Variants in GLCCI1 observed in about 807,000 individuals in gnomAD.
The protein encoded by GLCCI1 is glucocorticoid induced 1.
GLCCI1 carries 24 observed loss-of-function variants against 52.2 expected under a neutral mutation model. The observed-to-expected ratio is 0.46, with a 90% CI of 0.33 to 0.65. The LOEUF (loss-of-function observed/expected upper bound fraction) is 0.65, where lower values mean the gene tolerates loss of function less well. Among genes scored for constraint, GLCCI1 ranks in the 30% least tolerant of loss-of-function variants. The pLI is 0.02. For missense variants in GLCCI1, 704 were observed against 701.5 expected (o/e 1.00, Z -0.04); for synonymous variants, 310 against 276.5 (o/e 1.12, Z -1.20).
At chr7:8,066,183 C>T (rs1441865669) in intron 5 of GLCCI1, among the ~76,000 whole-genome samples, 3 of 152,114 alleles carry the variant, frequency 2.0e-5, no homozygotes, top group Admixed American at 2.0e-4. Flanking sequence ...AGCTTGTATG[C>T]ACAGAGGTGT....
At chr7:8,043,834 G>T (rs922239864) in intron 3 of GLCCI1, among the ~76,000 whole-genome samples, 1 of 152,100 alleles carries the variant, frequency 6.6e-6, no homozygotes, top group Non-Finnish European at 1.5e-5. Flanking sequence ...ATAAAAATGA[G>T]AGTACATGGG....
chr7:8,004,718 G>C (rs1238246368), intron 2 of GLCCI1, among the ~76,000 whole-genome samples: 2 of 152,200 alleles, frequency 1.3e-5, no homozygotes, highest in Non-Finnish European at 2.9e-5. Context: ...TAAAAAACCT[G>C]CAGCACAGTT....
intron 5 of GLCCI1, among the ~76,000 whole-genome samples, chr7:8,068,481 A>G (rs1000652798): frequency 6.6e-6 from 1 of 152,188 alleles, no homozygotes; most frequent in African/African-American, 2.4e-5. Context: ...TGTGTTTTTC[A>G]ACTCTCTGAT....
At chr7:8,069,643 C>G (rs1782709862) in intron 5 of GLCCI1, among the ~76,000 whole-genome samples, 1 of 152,076 alleles carries the variant, frequency 6.6e-6, no homozygotes. Context: ...AAGTAAAGCC[C>G]TCGGCCTCTC....
intron 5 of GLCCI1, among the ~76,000 whole-genome samples, chr7:8,068,326 G>C (rs1782678779): frequency 6.6e-6 from 1 of 152,080 alleles, no homozygotes; most frequent in African/African-American, 2.4e-5. Flanking sequence ...CTCCATCCTG[G>C]CAACAAGAGC....
chr7:7,973,266 G>A (rs953562616), intron 1 of GLCCI1, among the ~76,000 whole-genome samples: 1 of 152,092 alleles, frequency 6.6e-6, no homozygotes, highest in African/African-American at 2.4e-5. Context: ...TGATCTTTAA[G>A]CTAAAATCAT....
intron 1 of GLCCI1, chr7:7,981,167 ACT>A: frequency 2.4e-6 from 1 of 416,238 alleles, no homozygotes; most frequent in Non-Finnish European, 4.6e-6. Context: ...TGGATATAAT[ACT>A]CTCTAGATTT....
rs1781517957 is a variant in GLCCI1, at chr7:8,022,567, G to A, written c.694G>A (p.Glu232Lys). 2 of 1,558,276 alleles carry A rather than the reference G, an allele frequency of 1.3e-6. No individual in the cohort carries two copies. The highest frequency in any genetic ancestry group is 2.4e-5 in the East Asian group (1 of 41,930). Reference sequence around the variant, plus strand: ...ATGGGGGAGTGCTGATCAACTAAAAGAGGTAAGTTATTTCTGTTTTCCGTC... The same window carrying A: ...ATGGGGGAGTGCTGATCAACTAAAAAAGGTAAGTTATTTCTGTTTTCCGTC... ...ASWGSADQLK[E>K]QIAKLRQQLQ... is the part of the protein sequence containing the mutation. Residue 232 changes from glutamate to lysine, a missense_variant and splice_region_variant, in exon 3 of 8, where the codon GAG (glutamate) becomes AAG (lysine). Transcript: ENST00000223145.
At chr7:8,011,308 C>T (rs1002143337) in intron 2 of GLCCI1, among the ~76,000 whole-genome samples, 1 of 152,126 alleles carries the variant, frequency 6.6e-6, no homozygotes, top group Admixed American at 6.5e-5. Context: ...CTCCATCCTC[C>T]CCACCACACG....
intron 3 of GLCCI1, among the ~76,000 whole-genome samples, chr7:8,033,868 G>GT (rs1781810833): frequency 1.3e-5 from 2 of 152,098 alleles, no homozygotes; most frequent in Admixed American, 6.5e-5. Context: ...CAGGGCTTTT[G>GT]TTTTTTGGTT....
rs1448554644 is a variant in GLCCI1 at position 7,969,660 on chromosome 7, C to CCCAGCCCGT, written c.319_327dup (p.Ser107_Pro109dup). On this transcript the variant is annotated inframe_insertion, in exon 1 of 8. Coordinates refer to ENST00000223145, the MANE Select transcript of GLCCI1 (RefSeq NM_138426.4). The surrounding 1 kb of genome is among the most constrained non-coding windows in gnomAD (Gnocchi z 4.9). Reference sequence around the variant, plus strand: ...CCCGGGGCCCGGCGCGGCCCGCGGCCCCAGCCCGTCCAGCCCGACGCCGCC... The same window carrying CCCAGCCCGT: ...CCCGGGGCCCGGCGCGGCCCGCGGCCCCAGCCCGTCCAGCCCGTCCAGCCCGACGCCGCC... 1 of 1,054,830 alleles carries CCCAGCCCGT rather than the reference C, an allele frequency of 9.5e-7. No homozygotes were observed. The highest frequency in any genetic ancestry group is 1.1e-6 in the Non-Finnish European group (1 of 877,734). The allele number at this position is 1,054,830 out of a possible 1,614,324, so 65.3% of individuals were successfully genotyped here.
intron 2 of GLCCI1, among the ~76,000 whole-genome samples, chr7:8,010,126 C>G (rs1464158544): frequency 6.6e-6 from 1 of 152,070 alleles, no homozygotes; most frequent in Non-Finnish European, 1.5e-5. Flanking sequence ...TCCAAAACAG[C>G]CCCTGGAACA....
rs1014445003 is a variant in GLCCI1, at chr7:8,029,497, G to T, written c.696+6928G>T. Among the ~76,000 whole-genome samples the T allele has an allele frequency of 3.3e-5, 5 of 151,924 alleles. No homozygotes were observed. The East Asian group carries it at 9.6e-4, about 29-fold the overall frequency. The stretch of plus-strand genomic sequence containing the variant: ...CACAGCTATTATTGTGCTGAATAGG[G>T]AAAAAGAAAAGAAGGATGTTCACTT... On this transcript the variant is annotated intron_variant, in intron 3 of 7. Transcript: ENST00000223145.
At chr7:8,027,217 G>T (rs1411139484) in intron 3 of GLCCI1, among the ~76,000 whole-genome samples, 1 of 152,204 alleles carries the variant, frequency 6.6e-6, no homozygotes, top group Admixed American at 6.5e-5. Context: ...CTATGTTGAG[G>T]AAACTCACGC....
chr7:7,997,314 T>G (rs1780955399), intron 1 of GLCCI1, among the ~76,000 whole-genome samples: 1 of 152,194 alleles, frequency 6.6e-6, no homozygotes, highest in Non-Finnish European at 1.5e-5. Flanking sequence ...TTTCAAGGTA[T>G]TCTCATTACA....
chr7:8,023,250 C>T (rs1164177676), intron 3 of GLCCI1, among the ~76,000 whole-genome samples: 5 of 152,096 alleles, frequency 3.3e-5, no homozygotes, highest in Non-Finnish European at 7.3e-5. Context: ...CTCCTGACCT[C>T]GTGATCCGCC....
chr7:8,079,169 G>T (rs1466763374), intron 6 of GLCCI1, among the ~76,000 whole-genome samples: 1 of 151,770 alleles, frequency 6.6e-6, no homozygotes, highest in Non-Finnish European at 1.5e-5. Flanking sequence ...TATGTATAAT[G>T]CACTGATTTT....
chr7:8,012,105 G>A (rs1010977247), intron 2 of GLCCI1, among the ~76,000 whole-genome samples: 1 of 151,328 alleles, frequency 6.6e-6, no homozygotes, highest in Non-Finnish European at 1.5e-5. Context: ...ATGAGTCACC[G>A]TGCCCAGCCA....
At chr7:8,013,196 T>C (rs991987464) in intron 2 of GLCCI1, among the ~76,000 whole-genome samples, 4 of 152,368 alleles carry the variant, frequency 2.6e-5, no homozygotes, top group Non-Finnish European at 4.4e-5. Context: ...AAAAATTTCA[T>C]TTAAACTATA....
Sources: allele counts gnomAD v4.1 joint callset (sites outside exome capture counted in the v4.1 genomes callset), GRCh38; gene constraint gnomAD v4.1.1; non-coding constraint Gnocchi (gnomAD v3.1); transcripts MANE v1.5; gene names NCBI Gene and HGNC (gene_info 2026-07-23, HGNC 2026-07-21).